Variants in MKLN1 observed in about 807,000 individuals in gnomAD.
The protein encoded by MKLN1 is muskelin.
MKLN1 carries 18 observed loss-of-function variants against 99.0 expected under a neutral mutation model. The observed-to-expected ratio is 0.18, with a 90% CI of 0.13 to 0.27. The LOEUF (loss-of-function observed/expected upper bound fraction) is 0.27. Among genes scored for constraint, MKLN1 ranks in the 10% least tolerant of loss-of-function variants. The probability of loss-of-function intolerance (pLI) is 1.00; values close to 1 mark genes in which losing one functional copy is unlikely to be tolerated. For synonymous variants in MKLN1, 288 were observed against 293.2 expected (o/e 0.98, Z 0.18); for missense variants, 621 against 875.9 (o/e 0.71, Z 3.67).
chr7:131,257,118 T>C (rs1455829150), intron 3 of MKLN1, among the ~76,000 whole-genome samples: 4 of 152,212 alleles, frequency 2.6e-5, no homozygotes, highest in Admixed American at 6.5e-5. Context: ...GTAGACTAGC[T>C]AGATTTAACA....
At chr7:131,254,475 T>C (rs1797627772) in intron 3 of MKLN1, among the ~76,000 whole-genome samples, 1 of 152,132 alleles carries the variant, frequency 6.6e-6, no homozygotes, top group African/African-American at 2.4e-5. Context: ...ATATCAGACT[T>C]AGCAAACAAT....
At chr7:131,450,048 C>T (rs1053285904) in intron 12 of MKLN1, among the ~76,000 whole-genome samples, 3 of 152,112 alleles carry the variant, frequency 2.0e-5, no homozygotes, top group African/African-American at 7.2e-5. Flanking sequence ...CAGTTAACAT[C>T]AAGTCATGCC....
At chr7:131,165,223 T>G (rs187987577) in intron 2 of MKLN1, among the ~76,000 whole-genome samples, 1 of 152,308 alleles carries the variant, frequency 6.6e-6, no homozygotes, top group African/African-American at 2.4e-5. Context: ...TTCACTCTTG[T>G]TGCCCAGGCT....
At chr7:131,441,967 C>T (rs1795853183) in intron 10 of MKLN1, among the ~76,000 whole-genome samples, 1 of 152,198 alleles carries the variant, frequency 6.6e-6, no homozygotes, top group Non-Finnish European at 1.5e-5. Flanking sequence ...TCCAGTGGAG[C>T]CCTCAACGGA....
chr7:131,253,853 C>A (rs6978995), intron 3 of MKLN1, among the ~76,000 whole-genome samples: 1 of 152,034 alleles, frequency 6.6e-6, no homozygotes, highest in African/African-American at 2.4e-5. Context: ...GCTCAATGTG[C>A]GCAACAAGCT....
chr7:131,148,090 C>T (rs1278653374), intron 2 of MKLN1, among the ~76,000 whole-genome samples: 3 of 151,966 alleles, frequency 2.0e-5, no homozygotes, highest in East Asian at 3.9e-4. Context: ...GCTCTGTTGC[C>T]CTGGCTGGAG....
At chr7:131,303,552 A>G (rs1474671362) in intron 3 of MKLN1, among the ~76,000 whole-genome samples, 1 of 152,250 alleles carries the variant, frequency 6.6e-6, no homozygotes, top group African/African-American at 2.4e-5. Flanking sequence ...TACCGGAACC[A>G]TGAGAGAGCA....
intron 16 of MKLN1, among the ~76,000 whole-genome samples, chr7:131,473,900 G>A (rs1020840432): frequency 1.3e-5 from 2 of 152,202 alleles, no homozygotes; most frequent in Admixed American, 6.5e-5. Context: ...TGTAATCCCC[G>A]CACTTCAGGA....
chr7:131,453,649 A>G (rs528862750), intron 12 of MKLN1, among the ~76,000 whole-genome samples: 1 of 152,262 alleles, frequency 6.6e-6, no homozygotes, highest in Admixed American at 6.5e-5. Flanking sequence ...TATAATTCCA[A>G]TTATTTTTAA....
At chr7:131,172,228 A>G (rs1193267667) in intron 2 of MKLN1, among the ~76,000 whole-genome samples, 1 of 150,378 alleles carries the variant, frequency 6.6e-6, no homozygotes, top group Non-Finnish European at 1.5e-5. Flanking sequence ...GCAAGCTCTG[A>G]CTCCGGGGTT....
Position 131,328,319 on chromosome 7 carries a change from C to T in MKLN1, c.98+322C>T, listed in dbSNP as rs1255795049. 2.7e-5 allele frequency: 8 copies of T among 298,716 alleles called. No homozygotes were observed. The East Asian group carries it at 5.4e-4, about 20-fold the overall frequency. 18.5% of individuals were successfully genotyped at this position (298,716 alleles called of 1,614,324 possible). The stretch of plus-strand genomic sequence containing the variant: ...TGAGGAGGGCTTGGGGGGCGGACGG[C>T]TCTGGGGCAGGAATCGGAGTTGGCG... On this transcript the variant is annotated intron_variant, in intron 1 of 17. Coordinates refer to ENST00000352689, the MANE Select transcript of MKLN1 (RefSeq NM_013255.5).
At position 131,173,264 on chromosome 7, in the gene MKLN1, A is replaced by G. The variant is rs962607353; in HGVS notation, c.-296-29593A>G. ...CCATCTTGAAGGAAATATTAAATCTAATAAGGGAAAAACACTACAGATAGT... is the reference window on the plus strand; with the variant it reads ...CCATCTTGAAGGAAATATTAAATCTGATAAGGGAAAAACACTACAGATAGT... On this transcript the variant is annotated intron_variant, in intron 2 of 7. Coordinates refer to the MKLN1 transcript ENST00000416992. 2.6e-5 allele frequency among the ~76,000 whole-genome samples: 4 copies of G among 152,134 alleles called. 1 individual carries two copies. Among genetic ancestry groups the G allele is most frequent in the African/African-American group, 9.7e-5 (4 of 41,442 alleles).
At chr7:131,237,314 G>A (rs1286495858) in intron 3 of MKLN1, among the ~76,000 whole-genome samples, 1 of 152,132 alleles carries the variant, frequency 6.6e-6, no homozygotes, top group Non-Finnish European at 1.5e-5. Context: ...AAAGTACAAC[G>A]TGAAGTCTCC....
chr7:131,190,239 G>C lies in MKLN1; in HGVS notation c.-296-12618G>C, dbSNP rs923389193. ...AATCCACATCCAGGTGGATGGAGCA[G>C]GGGGATGTCACCTCTCCTGCCCCTC... On this transcript the variant is annotated intron_variant, in intron 2 of 7. Coordinates refer to the MKLN1 transcript ENST00000416992. Among the ~76,000 whole-genome samples the C allele has an allele frequency of 2.6e-5, 4 of 152,126 alleles. No homozygotes were observed. The South Asian group carries it at 8.3e-4, about 31-fold the overall frequency.
chr7:131,253,330 T>C (rs928174863), intron 3 of MKLN1, among the ~76,000 whole-genome samples: 3 of 152,040 alleles, frequency 2.0e-5, no homozygotes, highest in Admixed American at 1.3e-4. Context: ...AGGACTACAT[T>C]ATCTCCCTGG....
chr7:131,301,932 T>C (rs761830221), intron 3 of MKLN1, among the ~76,000 whole-genome samples: 4 of 152,060 alleles, frequency 2.6e-5, no homozygotes, highest in Non-Finnish European at 4.4e-5. Context: ...CCATTTAGAG[T>C]GGCCTTCCGG....
Position 131,478,911 on chromosome 7 carries a change from CAGAT to C in MKLN1, c.2086+237_2086+240del, listed in dbSNP as rs1554374213. 4 of 556,932 alleles carry C rather than the reference CAGAT, an allele frequency of 7.2e-6. No homozygotes were observed. In the East Asian group the frequency reaches 1.2e-4, roughly 17 times the overall value. 34.5% of individuals were successfully genotyped at this position (556,932 alleles called of 1,614,324 possible). ...ACCAATTGCTGTGTTAGTATGCAAA[CAGAT>C]AGCAATAGAAACACAGTCAAAATAA... is the stretch of plus-strand genomic sequence containing the variant. On this transcript the variant is annotated intron_variant, in intron 17 of 17. Transcript: ENST00000352689.
chr7:131,318,217 A>C (rs939699198), intron 3 of MKLN1, among the ~76,000 whole-genome samples: 2 of 152,062 alleles, frequency 1.3e-5, no homozygotes, highest in Non-Finnish European at 2.9e-5. Context: ...GAAGTAAAAC[A>C]CTCCTTAGCA....
chr7:131,466,154 C>A, intron 14 of MKLN1, 122 bp from the exon 15 acceptor site: 1 of 616,638 alleles, frequency 1.6e-6, no homozygotes, highest in South Asian at 5.0e-5. Flanking sequence ...GGTAAAAATG[C>A]AGTATAATTT....
Sources: gnomAD v4.1 joint callset for allele counts (sites outside exome capture counted in the v4.1 genomes callset) on GRCh38, gnomAD v4.1.1 for gene constraint, MANE v1.5 for transcripts, NCBI Gene and HGNC (gene_info 2026-07-23, HGNC 2026-07-21) for gene names.